Variants in HK1 observed in about 807,000 individuals in gnomAD.
HK1 encodes hexokinase 1.
Under a neutral mutation model 91.6 loss-of-function variants are expected in HK1, and 28 were observed. The ratio of observed to expected loss-of-function variants is 0.31; its 90% CI spans 0.23 to 0.42. The LOEUF is 0.42. HK1 is among the 10% of genes least tolerant of loss of function. The pLI is 1.00. For missense variants in HK1, 770 were observed against 1,219.8 expected (o/e 0.63, Z 5.49); for synonymous variants, 430 against 468.1 (o/e 0.92, Z 1.05).
At chr10:69,284,595 C>T (rs774698963) in intron 2 of HK1, among the ~76,000 whole-genome samples, 3 of 152,162 alleles carry the variant, frequency 2.0e-5, no homozygotes, top group Non-Finnish European at 4.4e-5. Flanking sequence ...AGGAGGATCA[C>T]TGGAGCCCAG....
At chr10:69,285,895 G>A (rs1379565142) in intron 2 of HK1, among the ~76,000 whole-genome samples, 1 of 152,174 alleles carries the variant, frequency 6.6e-6, no homozygotes, top group Non-Finnish European at 1.5e-5. Flanking sequence ...AGTCCCAAGG[G>A]TTCCTTCCCC....
At chr10:69,286,746 C>A (rs376969676) in intron 2 of HK1, among the ~76,000 whole-genome samples, 17 of 152,096 alleles carry the variant, frequency 1.1e-4, no homozygotes, top group African/African-American at 4.1e-4. Context: ...GGGGGTTTCA[C>A]CTCGTTGGTC....
chr10:69,310,052 T>TAA (rs1216110407), intron 5 of HK1, among the ~76,000 whole-genome samples: 6 of 88,962 alleles, frequency 6.7e-5, no homozygotes, highest in Admixed American at 1.3e-4. Context: ...CTCCATCTCA[T>TAA]AAAAAAAAAA....
chr10:69,390,413 A>G (rs151023873), intron 14 of HK1, among the ~76,000 whole-genome samples: 15 of 152,050 alleles, frequency 9.9e-5, no homozygotes, highest in East Asian at 1.9e-4. Flanking sequence ...TCTTTCCTCC[A>G]TCAATTGATC....
At chr10:69,348,190 C>A (rs1848664755) in intron 2 of HK1, among the ~76,000 whole-genome samples, 1 of 151,982 alleles carries the variant, frequency 6.6e-6, no homozygotes, top group African/African-American at 2.4e-5. Context: ...AAGTTTTTAC[C>A]CAAAGGAGAA....
chr10:69,316,569 C>T (rs2132554007), upstream of HK1, among the ~76,000 whole-genome samples: 1 of 152,290 alleles, frequency 6.6e-6, no homozygotes. Flanking sequence ...AAGCAGTTTC[C>T]CTCTCAAAGG....
intron 1 of HK1, among the ~76,000 whole-genome samples, chr10:69,333,704 T>C (rs1847843688): frequency 6.6e-6 from 1 of 152,074 alleles, no homozygotes; most frequent in South Asian, 2.1e-4. Context: ...CTGCCTCATG[T>C]GGGGTTCATA....
intron 10 of HK1, among the ~76,000 whole-genome samples, chr10:69,383,765 A>G (rs564806334): frequency 2.6e-4 from 39 of 152,362 alleles, no homozygotes; most frequent in African/African-American, 9.4e-4. Flanking sequence ...TCAGTGGGCC[A>G]CCTGGCTGTT....
intron 1 of HK1, among the ~76,000 whole-genome samples, chr10:69,319,479 G>C (rs1220147726): frequency 6.6e-6 from 1 of 152,250 alleles, no homozygotes; most frequent in Non-Finnish European, 1.5e-5. Context: ...GGGTGCCCCG[G>C]AGAAGCTGTC....
rs1849619705 is a variant in HK1 at position 69,364,903 on chromosome 10, G to A, written c.495+1G>A. On this transcript the variant is annotated splice_donor_variant, in intron 4 of 17. Transcript: ENST00000359426. LOFTEE classifies it high-confidence loss of function. ...TTGCCAACAATCCAAAATAGATGAG[G>A]TAAGGATGTTCTGGGATTATCGGGC... 1 of 1,614,030 alleles carries A rather than the reference G, an allele frequency of 6.2e-7. No individual in the cohort carries two copies. Among genetic ancestry groups the A allele is most frequent in the African/African-American group, 1.3e-5 (1 of 74,910 alleles).
rs755936937 is a variant in HK1 at position 69,383,548 on chromosome 10, C to T, written c.1570+757C>T. Among the ~76,000 whole-genome samples, 6 of 152,224 alleles carry T rather than the reference C, an allele frequency of 3.9e-5. No individual in the cohort carries two copies. The East Asian group carries it at 7.7e-4, about 20-fold the overall frequency. On this transcript the variant is annotated intron_variant, in intron 10 of 17. Transcript: ENST00000359426. ...CACACTTAGTGGCTTAAAACAACCA[C>T]GCTTTATTATTGTTCATGCATCTGT... is the stretch of plus-strand genomic sequence containing the variant.
chr10:69,380,808 C>A lies in HK1; in HGVS notation c.1265+713C>A, dbSNP rs1345125660. On this transcript the variant is annotated intron_variant, in intron 9 of 17. Coordinates refer to ENST00000359426, the MANE Select transcript of HK1 (RefSeq NM_000188.3). The surrounding 1 kb of genome is among the most constrained non-coding windows in gnomAD (Gnocchi z 4.0). ...TTGTCCTGTGAGAACGTGGCTTATA[C>A]TTTTTTTAAAAGGCTAAAGGGAAAT... 6.6e-6 allele frequency among the ~76,000 whole-genome samples: 1 copy of A among 152,146 alleles called. No homozygotes were observed. The highest frequency in any genetic ancestry group is 2.4e-5 in the African/African-American group (1 of 41,436).
rs1461475795 is a variant in HK1, at chr10:69,398,821, C to T, written c.2602C>T (p.His868Tyr). The T allele has an allele frequency of 1.2e-6, 2 of 1,608,768 alleles. No individual in the cohort carries two copies. Among genetic ancestry groups the T allele is most frequent in the Non-Finnish European group, 8.5e-7 (1 of 1,175,390 alleles). ...VGVDGTLYKL[H>Y]PHFSRIMHQT... is the part of the protein sequence containing the mutation. ...AGTGGACGGGACACTCTACAAGCTT[C>T]ATCCACAGTGAGTGGGCCTTCCAGT... Residue 868 changes from histidine (H) to tyrosine (Y), a missense_variant, in exon 17 of 18, where the codon CAT (histidine) becomes TAT (tyrosine). By Grantham distance (83) the His-to-Tyr change is moderately conservative. Around this residue, in one of 7 missense-constraint regions of HK1, gnomAD observed 78 missense variants for 99.0 expected, o/e 0.79. Transcript: ENST00000359426.
intron 14 of HK1, among the ~76,000 whole-genome samples, chr10:69,390,255 A>G (rs1839836014): frequency 6.6e-6 from 1 of 152,166 alleles, no homozygotes; most frequent in South Asian, 2.1e-4. Context: ...CTTTCCATGA[A>G]TGGGCTTGGG....
chr10:69,294,334 C>T (rs187869616), intron 3 of HK1, among the ~76,000 whole-genome samples: 106 of 152,240 alleles, frequency 7.0e-4, no homozygotes, highest in African/African-American at 2.5e-3. Flanking sequence ...CACACCCTCC[C>T]TATCCATTCA....
chr10:69,351,350 A>G (rs1848859855), intron 2 of HK1, among the ~76,000 whole-genome samples: 1 of 151,436 alleles, frequency 6.6e-6, no homozygotes, highest in African/African-American at 2.4e-5. Flanking sequence ...TCTACTAAAA[A>G]TACAAAAAAT....
intron 4 of HK1, among the ~76,000 whole-genome samples, chr10:69,366,358 C>T (rs912973218): frequency 6.6e-6 from 1 of 152,186 alleles, no homozygotes; most frequent in African/African-American, 2.4e-5. Context: ...TTGCAGGGAG[C>T]ACCCCTGGGT....
At chr10:69,392,600 T>C (rs1564568800) in intron 15 of HK1, among the ~76,000 whole-genome samples, 1 of 152,142 alleles carries the variant, frequency 6.6e-6, no homozygotes, top group African/African-American at 2.4e-5. Context: ...CTGTGTTCCT[T>C]TCCCATCAGA....
At chr10:69,330,063 T>A (rs2132622255) in intron 1 of HK1, among the ~76,000 whole-genome samples, 1 of 152,254 alleles carries the variant, frequency 6.6e-6, no homozygotes. Context: ...CCCTCAATGC[T>A]CCTTGCGATG....
Sources: allele counts gnomAD v4.1 joint callset (sites outside exome capture counted in the v4.1 genomes callset), GRCh38; gene constraint gnomAD v4.1.1; regional missense constraint gnomAD v4.1.1; non-coding constraint Gnocchi (gnomAD v3.1); transcripts MANE v1.5; gene names NCBI Gene and HGNC (gene_info 2026-07-23, HGNC 2026-07-21).